Variants in MAP9 observed in about 807,000 individuals in gnomAD.
MAP9 encodes the protein microtubule-associated protein 9.
MAP9 carries 80 observed loss-of-function variants against 75.2 expected under a neutral mutation model. The observed-to-expected ratio is 1.06, with a 90% confidence interval of 0.89 to 1.28. MAP9 has a LOEUF of 1.28. Among genes scored for constraint, MAP9 ranks in the 50% most tolerant of loss-of-function variants. The pLI, the probability that MAP9 is intolerant of heterozygous loss-of-function variation, is 0.00. For synonymous variants in MAP9, 235 were observed against 237.3 expected (o/e 0.99, Z 0.09); for missense variants, 753 against 719.9 (o/e 1.05, Z -0.53).
chr4:155,366,639 G>A (rs771297929), intron 5 of MAP9, among the ~76,000 whole-genome samples: 54 of 152,114 alleles, frequency 3.5e-4, no homozygotes, highest in Non-Finnish European at 6.9e-4. Context: ...AAAATGAAAT[G>A]TCATGATAAT....
chr4:155,367,183 A>G (rs1236729071), intron 5 of MAP9: 1 of 152,198 alleles, frequency 6.6e-6, no homozygotes, highest in Non-Finnish European at 1.5e-5. Context: ...CTTTAAATAG[A>G]TAAGATGAGG....
chr4:155,361,970 A>G, intron 6 of MAP9, 78 bp downstream of exon 6: 1 of 838,058 alleles, frequency 1.2e-6, no homozygotes, highest in South Asian at 1.7e-5. Flanking sequence ...TAACTATACA[A>G]AGTATTATTT....
Position 155,360,247 on chromosome 4 carries a change from T to C in MAP9, c.971A>G (p.Asp324Gly). 6.2e-7 allele frequency: 1 copy of C among 1,613,236 alleles called. No individual in the cohort carries two copies. Among genetic ancestry groups the C allele is most frequent in the Non-Finnish European group, 8.5e-7 (1 of 1,179,390 alleles). Residue 324 changes from aspartate to glycine, a missense_variant, in exon 7 of 14, where the codon GAT (aspartate) becomes GGT (glycine). Coordinates refer to ENST00000311277, the MANE Select transcript of MAP9 (RefSeq NM_001039580.2). ...EEKAKAELIM[D>G]DDRTVDPLLS... ...TAGTGGATCAACTGTTCTGTCATCA[T>C]CCATAATCAGTTCCGCTTTTGCCTT... is the stretch of plus-strand genomic sequence containing the variant.
intron 8 of MAP9, 148 bp from the exon 9 acceptor site, chr4:155,356,032 GGGT>G: frequency 8.6e-6 from 6 of 695,036 alleles, no homozygotes; most frequent in Non-Finnish European, 1.4e-5. Flanking sequence ...AGGCCAAAGT[GGGT>G]GGATGACTTG....
At chr4:155,358,371 G>C (rs112908669) in intron 7 of MAP9, among the ~76,000 whole-genome samples, 49 of 152,304 alleles carry the variant, frequency 3.2e-4, no homozygotes, top group African/African-American at 1.1e-3. Flanking sequence ...CTTAGCAGTA[G>C]TGTTTTTTTC....
chr4:155,357,407 G>C (rs897349631), intron 8 of MAP9, 42 bp downstream of exon 8: 1 of 1,166,228 alleles, frequency 8.6e-7, no homozygotes, highest in African/African-American at 1.5e-5. Flanking sequence ...AGCTTTGCTA[G>C]AATGCAAGCC....
At chr4:155,376,135 A>T (rs1732829515) in intron 1 of MAP9, among the ~76,000 whole-genome samples, 1 of 152,248 alleles carries the variant, frequency 6.6e-6, no homozygotes, top group Non-Finnish European at 1.5e-5. Flanking sequence ...GCAACTACTT[A>T]AAAAGTCTGC....
intron 3 of MAP9, among the ~76,000 whole-genome samples, chr4:155,374,093 C>T (rs1010282899): frequency 9.9e-5 from 15 of 152,096 alleles, no homozygotes; most frequent in African/African-American, 3.4e-4. Context: ...ATAATCCCAG[C>T]ACTTTGGGAG....
rs2111159469 is a variant in MAP9 at position 155,343,096 on chromosome 4, A to G, written c.*4687T>C. 6.6e-6 allele frequency: 1 copy of G among 152,128 alleles called. No individual in the cohort carries two copies. The highest frequency in any genetic ancestry group is 3.4e-3 in the Middle Eastern group (1 of 290). 9.4% of individuals were successfully genotyped at this position (152,128 alleles called of 1,614,324 possible). On this transcript the variant is annotated 3_prime_UTR_variant, in exon 14 of 14. Transcript: ENST00000311277. ...CATGATATATCACTGAGTGAAAAAAATCTGGCTACCAAATATGTAGTCTGA... is the reference window on the plus strand; with the variant it reads ...CATGATATATCACTGAGTGAAAAAAGTCTGGCTACCAAATATGTAGTCTGA...
chr4:155,376,556 T>C (rs1282814096), intron 1 of MAP9: 2 of 152,512 alleles, frequency 1.3e-5, no homozygotes, highest in Non-Finnish European at 2.9e-5. Context: ...TTCCGTTCCC[T>C]ACCAGGCCAG....
At position 155,368,778 on chromosome 4, in the gene MAP9, A is replaced by G. The variant is rs764403066; in HGVS notation, c.516T>C (p.Phe172=). ...TACTCCTTGGCCGAGGTGATGGTTT[A>G]AAGTGATCATCTGTGTCAAGGCTGT... ...ENNSLDTDDH[F]KPSPRPRSML... Residue 172 remains phenylalanine, a synonymous_variant, in exon 5 of 14, where the codon TTT becomes TTC. Transcript: ENST00000311277. 9.9e-6 allele frequency: 16 copies of G among 1,613,346 alleles called. No individual in the cohort carries two copies. The highest frequency in any genetic ancestry group is 5.1e-6 in the Non-Finnish European group (6 of 1,179,544).
rs771750378 is a variant in MAP9 at position 155,360,149 on chromosome 4, T to C, written c.1050+19A>G. On this transcript the variant is annotated intron_variant, in intron 7 of 13. Coordinates refer to ENST00000311277, the MANE Select transcript of MAP9 (RefSeq NM_001039580.2). ...AAGTTTTAAGCTGTAGTATGAAAAG[T>C]ATGAATTTTTACAAATACCTTTGAA... 16 of 1,599,924 alleles carry C rather than the reference T, an allele frequency of 1.0e-5. No individual in the cohort carries two copies. The East Asian group carries it at 3.4e-4, about 34-fold the overall frequency.
chr4:155,362,950 T>G (rs747934711), intron 5 of MAP9: 1 of 152,168 alleles, frequency 6.6e-6, no homozygotes, highest in Admixed American at 6.5e-5. Flanking sequence ...TGCAAATTAG[T>G]AGCTTTTTGC....
At chr4:155,350,081 T>G in intron 13 of MAP9, 1 of 229,424 alleles carries the variant, frequency 4.4e-6, no homozygotes, top group Non-Finnish European at 8.8e-6. Flanking sequence ...AAAAATATTT[T>G]AGTCTTACCT....
At chr4:155,356,222 A>AT (rs952635264) in intron 8 of MAP9, among the ~76,000 whole-genome samples, 44 of 152,094 alleles carry the variant, frequency 2.9e-4, no homozygotes, top group African/African-American at 1.0e-3. Flanking sequence ...AGCAGAGATC[A>AT]TGCCACTGAA....
Position 155,355,902 on chromosome 4 carries a change from A to G in MAP9, c.1122-18T>C. On this transcript the variant is annotated intron_variant, in intron 8 of 13. Transcript: ENST00000311277. ...TCATTAATCTGAAAAGATCCAAATG[A>G]ATCAAGACAAAATATTACAATTGCA... 1.9e-6 allele frequency: 3 copies of G among 1,593,780 alleles called. No homozygotes were observed. The highest frequency in any genetic ancestry group is 1.1e-5 in the South Asian group (1 of 90,082).
At position 155,373,419 on chromosome 4, in the gene MAP9, T is replaced by G. The variant is rs1732694044; in HGVS notation, c.198A>C (p.Glu66Asp). The G allele has an allele frequency of 1.3e-6, 2 of 1,589,966 alleles. No homozygotes were observed. Among genetic ancestry groups the G allele is most frequent in the East Asian group, 2.3e-5 (1 of 44,304 alleles). ...LGDFSDTSAD[E>D]NSVNKKMNDF... The stretch of plus-strand genomic sequence containing the variant: ...CATTCATTTTTTTATTAACTGAATT[T>G]TCATCTGCTGAAGTGTCAGAAAAAT... Residue 66 changes from glutamate to aspartate, a missense_variant, in exon 4 of 14, where the codon GAA (glutamate) becomes GAC (aspartate). Transcript: ENST00000311277.
At chr4:155,351,720 A>C (rs1731520297) in intron 13 of MAP9, among the ~76,000 whole-genome samples, 1 of 151,944 alleles carries the variant, frequency 6.6e-6, no homozygotes, top group South Asian at 2.1e-4. Flanking sequence ...ATACAAATGA[A>C]AAGATATTCA....
intron 2 of MAP9, among the ~76,000 whole-genome samples, chr4:155,375,264 A>C (rs565924555): frequency 1.3e-5 from 2 of 152,340 alleles, no homozygotes; most frequent in African/African-American, 4.8e-5. Flanking sequence ...GAGGAGACAC[A>C]CATTATGGAA....
Sources: allele counts gnomAD v4.1 joint callset (sites outside exome capture counted in the v4.1 genomes callset), GRCh38; gene constraint gnomAD v4.1.1; transcripts MANE v1.5; gene names NCBI Gene and HGNC (gene_info 2026-07-23, HGNC 2026-07-21).